DAAM2: variants seen among roughly 807,000 people sequenced by gnomAD.
DAAM2 encodes the protein disheveled-associated activator of morphogenesis 2.
In DAAM2, 39 loss-of-function variants were observed where a neutral mutation model predicts 120.7. The observed-to-expected ratio is 0.32, with a 90% CI of 0.25 to 0.42. The LOEUF is 0.42. DAAM2 is among the 10% of genes least tolerant of loss of function. DAAM2 has a pLI of 1.00. For missense variants in DAAM2, 1,283 were observed against 1,401.7 expected (o/e 0.92, Z 1.35); for synonymous variants, 488 against 524.9 (o/e 0.93, Z 0.96).
chr6:39,813,564 T>A (rs944408544), intron 1 of DAAM2, among the ~76,000 whole-genome samples: 22 of 151,622 alleles, frequency 1.5e-4, no homozygotes, highest in African/African-American at 5.3e-4. Flanking sequence ...GTTGCTTTTT[T>A]TAAAAAAAAT....
chr6:39,877,619 G>C (rs931402910), intron 11 of DAAM2, among the ~76,000 whole-genome samples: 1 of 152,166 alleles, frequency 6.6e-6, no homozygotes. Context: ...ATCTCGCTTT[G>C]GGATTTCACC....
chr6:39,901,304 C>T lies in DAAM2; in HGVS notation c.2814C>T (p.Phe938=), dbSNP rs148294935. The part of the protein sequence containing the change: ...EDQLNEARDK[F]AKALMHFGEH... Reference sequence around the variant, plus strand: ...AATCCTGTTCTGTCCCTTGACAGTTCGCCAAGGCCTTGATGCACTTCGGGG... The same window carrying T: ...AATCCTGTTCTGTCCCTTGACAGTTTGCCAAGGCCTTGATGCACTTCGGGG... The change falls in exon 24 of 25, where the codon TTC becomes TTT. Residue 938 remains phenylalanine (F), a splice_region_variant and synonymous_variant. Transcript: ENST00000274867. The surrounding 1 kb of genome is among the most constrained non-coding windows in gnomAD (Gnocchi z 4.5). The T allele has an allele frequency of 3.5e-5, 56 of 1,612,810 alleles. No individual in the cohort carries two copies. In the East Asian group the frequency reaches 5.8e-4, roughly 17 times the overall value.
chr6:39,801,701 C>G (rs1761868821), intron 1 of DAAM2, among the ~76,000 whole-genome samples: 1 of 152,236 alleles, frequency 6.6e-6, no homozygotes, highest in South Asian at 2.1e-4. Flanking sequence ...TATGTACACC[C>G]ATTGTCCATC....
chr6:39,868,905 A>G lies in DAAM2; in HGVS notation c.845A>G (p.Asn282Ser). 6.3e-7 allele frequency: 1 copy of G among 1,583,660 alleles called. No homozygotes were observed. The highest frequency in any genetic ancestry group is 8.6e-7 in the Non-Finnish European group (1 of 1,164,842). Residue 282 changes from asparagine to serine, a missense_variant, in exon 7 of 25, where the codon AAT (asparagine) becomes AGT (serine). By Grantham distance (46) the Asn-to-Ser change is conservative. This residue lies in a region of DAAM2 where 338 missense variants were observed against 443.9 expected (regional missense o/e 0.76). Coordinates refer to ENST00000274867, the MANE Select transcript of DAAM2 (RefSeq NM_001201427.2). The stretch of plus-strand genomic sequence containing the variant: ...AAAACAGCCATCATGTCCTTCATCA[A>G]TGCTGTCCTCAATGCTGGAGCTGGA... ...NLKTAIMSFI[N>S]AVLNAGAGED... is the part of the protein sequence containing the mutation.
At chr6:39,828,354 G>C (rs1354664081) in intron 1 of DAAM2, among the ~76,000 whole-genome samples, 1 of 152,158 alleles carries the variant, frequency 6.6e-6, no homozygotes, top group African/African-American at 2.4e-5. Flanking sequence ...AAACTGTAAA[G>C]AGCATAGGTA....
At chr6:39,879,660 T>G in intron 14 of DAAM2, 183 bp downstream of exon 14, 1 of 726,478 alleles carries the variant, frequency 1.4e-6, no homozygotes, top group Non-Finnish European at 2.4e-6. Flanking sequence ...TCAGAACACC[T>G]ACCCTGGGAG....
chr6:39,820,521 T>G (rs1401986183), intron 1 of DAAM2: 1 of 152,220 alleles, frequency 6.6e-6, no homozygotes, highest in Non-Finnish European at 1.5e-5. Flanking sequence ...CGCTCTAGTC[T>G]CGTCTTGATT....
intron 19 of DAAM2, among the ~76,000 whole-genome samples, chr6:39,893,464 G>T (rs1468805363): frequency 6.6e-6 from 1 of 151,982 alleles, no homozygotes; most frequent in Non-Finnish European, 1.5e-5. Flanking sequence ...CTGGCAGTGA[G>T]CCGACATGGA....
chr6:39,843,888 C>T (rs761657160), intron 1 of DAAM2, among the ~76,000 whole-genome samples: 1 of 152,012 alleles, frequency 6.6e-6, no homozygotes, highest in Non-Finnish European at 1.5e-5. Flanking sequence ...TGTGGGGATG[C>T]GTGTGGTGTA....
chr6:39,900,376 C>T (rs1041705310), intron 23 of DAAM2, among the ~76,000 whole-genome samples, 168 bp downstream of exon 23: 3 of 152,178 alleles, frequency 2.0e-5, no homozygotes, highest in Non-Finnish European at 4.4e-5. Context: ...AACCACATAC[C>T]GCAAAGATCA....
At chr6:39,888,529 A>G in intron 16 of DAAM2, 150 bp from the exon 17 acceptor site, 1 of 587,044 alleles carries the variant, frequency 1.7e-6, no homozygotes, top group Non-Finnish European at 3.0e-6. Context: ...ATACTAGTCT[A>G]ATCTAAGAAG....
At chr6:39,831,189 C>T (rs1312378912) in intron 1 of DAAM2, among the ~76,000 whole-genome samples, 1 of 152,052 alleles carries the variant, frequency 6.6e-6, no homozygotes, top group Non-Finnish European at 1.5e-5. Context: ...CAAAAATGCC[C>T]CATGGAATAT....
At chr6:39,827,163 A>G (rs895717700) in intron 1 of DAAM2, among the ~76,000 whole-genome samples, 4 of 152,176 alleles carry the variant, frequency 2.6e-5, no homozygotes, top group Admixed American at 1.3e-4. Context: ...AGTGGGAGAG[A>G]AGAGTTCTGT....
At chr6:39,891,607 T>G (rs779232069) in intron 18 of DAAM2, 27 bp from the exon 19 acceptor site, 1 of 1,600,504 alleles carries the variant, frequency 6.2e-7, no homozygotes, top group Non-Finnish European at 8.5e-7. Flanking sequence ...GTGGGATACC[T>G]CAAGATATGG....
intron 1 of DAAM2, among the ~76,000 whole-genome samples, chr6:39,826,152 A>C (rs1762664770): frequency 6.6e-6 from 1 of 152,160 alleles, no homozygotes; most frequent in African/African-American, 2.4e-5. Context: ...AATGATAAAC[A>C]CACGGCTGGC....
chr6:39,894,554 T>C (rs891557523), intron 19 of DAAM2, among the ~76,000 whole-genome samples: 6 of 122,968 alleles, frequency 4.9e-5, no homozygotes, highest in African/African-American at 1.8e-4. Context: ...CTCCCTCCTC[T>C]CTAAAGGTCA....
intron 15 of DAAM2, chr6:39,887,283 C>T: frequency 1.9e-6 from 1 of 521,724 alleles, no homozygotes; most frequent in Non-Finnish European, 3.4e-6. Flanking sequence ...CTTCCCCAAC[C>T]CATTGGAGCC....
In DAAM2 at chr6:39,897,045, C is replaced by A. The variant is rs1010783042; in HGVS notation, c.2510+65C>A. On this transcript the variant is annotated intron_variant, in intron 20 of 24. Coordinates refer to ENST00000274867, the MANE Select transcript of DAAM2 (RefSeq NM_001201427.2). Reference sequence around the variant, plus strand: ...CTCACCCTACCCTGGCCTCTCACATCCTCCCTCTATTAGGACGGGAACATC... The same window carrying A: ...CTCACCCTACCCTGGCCTCTCACATACTCCCTCTATTAGGACGGGAACATC... 3.9e-6 allele frequency: 6 copies of A among 1,552,242 alleles called. No individual in the cohort carries two copies. In the African/African-American group the frequency reaches 8.2e-5, roughly 21 times the overall value.
intron 1 of DAAM2, among the ~76,000 whole-genome samples, chr6:39,842,334 T>C (rs561026600): frequency 4.6e-5 from 7 of 152,140 alleles, no homozygotes; most frequent in Non-Finnish European, 1.0e-4. Flanking sequence ...TTAATTGGTA[T>C]AAAAAACATA....
Sources: gnomAD v4.1 joint callset for allele counts (sites outside exome capture counted in the v4.1 genomes callset) on GRCh38, gnomAD v4.1.1 for gene constraint, gnomAD v4.1.1 regional missense constraint, Gnocchi (gnomAD v3.1) non-coding constraint, MANE v1.5 for transcripts, NCBI Gene and HGNC (gene_info 2026-07-23, HGNC 2026-07-21) for gene names.